Variants in PPFIBP2 observed in about 807,000 individuals in gnomAD.
PPFIBP2 encodes the protein PPFIB scaffold protein 2.
PPFIBP2 carries 118 observed loss-of-function variants against 118.3 expected under a neutral mutation model. The ratio of observed to expected loss-of-function variants is 1.00; its 90% CI spans 0.86 to 1.16. The LOEUF is 1.16. PPFIBP2 is among the 50% of genes most tolerant of loss of function. The pLI is 0.00. For missense variants in PPFIBP2, 1,195 were observed against 1,073.1 expected (o/e 1.11, Z -1.59); for synonymous variants, 414 against 397.4 (o/e 1.04, Z -0.50).
At chr11:7,553,229 A>AT (rs11464732) in intron 2 of PPFIBP2, among the ~76,000 whole-genome samples, 42,638 of 151,538 alleles carry the variant, frequency 0.28, 6,544 homozygotes, top group African/African-American at 0.42. Context: ...AATTATTATT[A>AT]TTTTTTTTGA....
At chr11:7,554,418 ACTC>A (rs1320494431) in intron 2 of PPFIBP2, among the ~76,000 whole-genome samples, 4 of 151,954 alleles carry the variant, frequency 2.6e-5, no homozygotes, top group African/African-American at 4.8e-5. Context: ...ACTTTCCAAA[ACTC>A]CTTCTAAAAA....
At chr11:7,579,920 A>G (rs980687941) in intron 3 of PPFIBP2, among the ~76,000 whole-genome samples, 1 of 152,034 alleles carries the variant, frequency 6.6e-6, no homozygotes, top group Non-Finnish European at 1.5e-5. Context: ...CTCTACCCTA[A>G]ACACTACTGC....
At chr11:7,653,883 G>C, downstream of PPFIBP2, 1 of 973,408 alleles carries the variant, frequency 1.0e-6, no homozygotes, top group Non-Finnish European at 1.3e-6. Context: ...CCAGGTGCAT[G>C]CTCAGGATTC....
chr11:7,560,405 G>T (rs929579809), intron 2 of PPFIBP2, among the ~76,000 whole-genome samples: 1 of 151,926 alleles, frequency 6.6e-6, no homozygotes, highest in Non-Finnish European at 1.5e-5. Flanking sequence ...GTATTTCTCT[G>T]TATATATATA....
intron 15 of PPFIBP2, among the ~76,000 whole-genome samples, chr11:7,640,283 C>G (rs927115983): frequency 6.6e-6 from 1 of 152,148 alleles, no homozygotes; most frequent in Non-Finnish European, 1.5e-5. Context: ...CTGTCTCCAC[C>G]TTCTTCTCTG....
At chr11:7,630,059 G>A (rs902710062) in intron 10 of PPFIBP2, among the ~76,000 whole-genome samples, 2 of 152,228 alleles carry the variant, frequency 1.3e-5, no homozygotes, top group African/African-American at 4.8e-5. Context: ...CAACATGCAA[G>A]CAGCATCAGG....
chr11:7,665,371 G>GTGTT, the PPFIBP2 span: 803,697 of 1,533,698 alleles, frequency 0.52, 214,762 homozygotes, highest in East Asian at 0.64. Flanking sequence ...GCACGTGGAG[G>GTGTT]TGTTAGTAGG....
intron 1 of PPFIBP2, among the ~76,000 whole-genome samples, chr11:7,529,874 C>A (rs1279117981): frequency 6.6e-6 from 1 of 152,228 alleles, no homozygotes; most frequent in Non-Finnish European, 1.5e-5. Flanking sequence ...ACCTTCAGCT[C>A]TGGAAGGCCC....
intron 2 of PPFIBP2, among the ~76,000 whole-genome samples, chr11:7,553,447 G>A (rs901523720): frequency 1.2e-4 from 18 of 152,124 alleles, no homozygotes; most frequent in African/African-American, 4.1e-4. Flanking sequence ...GATTGCTGAG[G>A]ACACTTTTCC....
At chr11:7,533,271 A>G (rs1373043939) in intron 1 of PPFIBP2, among the ~76,000 whole-genome samples, 1 of 152,204 alleles carries the variant, frequency 6.6e-6, no homozygotes, top group Non-Finnish European at 1.5e-5. Flanking sequence ...CCAGGTGTGG[A>G]GAAAGTTCGA....
intron 1 of PPFIBP2, among the ~76,000 whole-genome samples, chr11:7,516,420 GA>G (rs1184060233): frequency 6.6e-6 from 1 of 151,976 alleles, no homozygotes; most frequent in Non-Finnish European, 1.5e-5. Flanking sequence ...TGAGGAGGGA[GA>G]AACAATGCTG....
At chr11:7,541,442 T>C (rs1302716387) in intron 1 of PPFIBP2, among the ~76,000 whole-genome samples, 1 of 152,160 alleles carries the variant, frequency 6.6e-6, no homozygotes, top group Non-Finnish European at 1.5e-5. Context: ...TCTGGTCTTA[T>C]TCAGCAGCAT....
chr11:7,656,710 G>A (rs977766983), downstream of PPFIBP2: 30 of 1,289,566 alleles, frequency 2.3e-5, no homozygotes, highest in East Asian at 5.5e-5. Context: ...CTGACCCTTC[G>A]GCTGTGTCCT....
chr11:7,642,281 G>T lies in PPFIBP2; in HGVS notation c.1518-17G>T. ...TGACTATTCCATGACCGTCTCCATG[G>T]ATTCTTCTCCATGCAGAATCCGAAG... On this transcript the variant is annotated splice_polypyrimidine_tract_variant and intron_variant, in intron 16 of 23. Transcript: ENST00000299492. 1.9e-6 allele frequency: 3 copies of T among 1,613,446 alleles called. No individual in the cohort carries two copies. The highest frequency in any genetic ancestry group is 2.5e-6 in the Non-Finnish European group (3 of 1,179,736).
At chr11:7,648,297 CT>C (rs1853423707) in intron 17 of PPFIBP2, 89 bp from the exon 18 acceptor site, 1 of 1,368,868 alleles carries the variant, frequency 7.3e-7, no homozygotes, top group South Asian at 1.6e-5. Context: ...TTTGTTTTTT[CT>C]TTTCTTTTCT....
At chr11:7,632,981 G>A (rs746554912) in intron 12 of PPFIBP2, 47 bp downstream of exon 12, 3 of 1,558,950 alleles carry the variant, frequency 1.9e-6, no homozygotes, top group Non-Finnish European at 2.7e-6. Context: ...TCTCAGGCTT[G>A]CCTTGGGGCT....
intron 1 of PPFIBP2, among the ~76,000 whole-genome samples, chr11:7,515,364 C>A (rs1346948839): frequency 6.6e-6 from 1 of 152,164 alleles, no homozygotes. Context: ...AGCTGCTTAC[C>A]ATGATGCCTT....
chr11:7,647,686 G>A (rs1853313740), intron 17 of PPFIBP2, among the ~76,000 whole-genome samples: 2 of 152,184 alleles, frequency 1.3e-5, no homozygotes, highest in Admixed American at 1.3e-4. Flanking sequence ...TTCGTAAGTG[G>A]CCACCTCACT....
rs1853995571 is a variant in PPFIBP2 at position 7,651,487 on chromosome 11, G to T, written c.2248-169G>T. The T allele has an allele frequency of 6.6e-6, 4 of 603,930 alleles. No homozygotes were observed. In the East Asian group the frequency reaches 1.1e-4, roughly 17 times the overall value. 37.4% of individuals were successfully genotyped at this position (603,930 alleles called of 1,614,324 possible). A position where few individuals can be genotyped will look rare whatever the true frequency, so the allele number is the denominator to read the frequency against. ...GCACATGTGCTAGTATGTGCTCAGA[G>T]CCAGGCCCTGTGCCAGCCAGTGAGT... On this transcript the variant is annotated intron_variant, in intron 22 of 23. Coordinates refer to ENST00000299492, the MANE Select transcript of PPFIBP2 (RefSeq NM_003621.5).
Sources: allele counts gnomAD v4.1 joint callset (sites outside exome capture counted in the v4.1 genomes callset), GRCh38; gene constraint gnomAD v4.1.1; transcripts MANE v1.5; gene names NCBI Gene and HGNC (gene_info 2026-07-23, HGNC 2026-07-21).